GRIK2: variants seen among roughly 807,000 people sequenced by gnomAD.
GRIK2 encodes the protein glutamate receptor ionotropic, kainate 2.
GRIK2 carries 32 observed loss-of-function variants against 100.3 expected under a neutral mutation model. The observed-to-expected ratio is 0.32, with a 90% CI of 0.24 to 0.43. The LOEUF is 0.43. GRIK2 is among the 20% of genes least tolerant of loss of function. The pLI, the probability that GRIK2 is intolerant of heterozygous loss-of-function variation, is 1.00. For synonymous variants in GRIK2, 417 were observed against 389.4 expected (o/e 1.07, Z -0.83); for missense variants, 843 against 1,114.9 (o/e 0.76, Z 3.47).
At chr6:101,408,438 A>G (rs1775704097) in intron 2 of GRIK2, among the ~76,000 whole-genome samples, 1 of 152,038 alleles carries the variant, frequency 6.6e-6, no homozygotes, top group African/African-American at 2.4e-5. Context: ...ATTGGCTTAC[A>G]TGATTATGGT....
At chr6:102,043,486 CAT>C (rs1362470598) in intron 15 of GRIK2, among the ~76,000 whole-genome samples, 2 of 151,878 alleles carry the variant, frequency 1.3e-5, no homozygotes, top group South Asian at 2.1e-4. Context: ...TTAGATCCCA[CAT>C]GTCAGTGAGA....
In GRIK2 at chr6:101,724,596, G is replaced by A. The variant is rs1583026504; in HGVS notation, c.951+38243G>A. 2.0e-5 allele frequency among the ~76,000 whole-genome samples: 3 copies of A among 151,930 alleles called. No individual in the cohort carries two copies. The East Asian group carries it at 5.8e-4, about 29-fold the overall frequency. On this transcript the variant is annotated intron_variant, in intron 7 of 16. Transcript: ENST00000369134. ...CATTTTGTTTACTCCATCCACTATT[G>A]ATAGACACCTATGTACAGTCTTTAT...
At chr6:101,825,945 A>G (rs2764225) in intron 10 of GRIK2, among the ~76,000 whole-genome samples, 16,645 of 152,066 alleles carry the variant, frequency 0.11, 1,928 homozygotes, top group East Asian at 0.65. Context: ...CTGGACATAT[A>G]TCCACTTAGA....
intron 2 of GRIK2, among the ~76,000 whole-genome samples, chr6:101,603,684 T>A (rs1002553699): frequency 1.3e-5 from 2 of 151,772 alleles, no homozygotes; most frequent in Non-Finnish European, 2.9e-5. Context: ...TCCATGAATT[T>A]ATAATGAATT....
intron 2 of GRIK2, among the ~76,000 whole-genome samples, chr6:101,584,283 T>C (rs971932282): frequency 2.6e-5 from 4 of 152,100 alleles, no homozygotes; most frequent in African/African-American, 9.7e-5. Context: ...GTTGTGCCCA[T>C]CTACTCAAAC....
chr6:101,566,501 T>C (rs1214761606), intron 2 of GRIK2, among the ~76,000 whole-genome samples: 2 of 151,854 alleles, frequency 1.3e-5, no homozygotes, highest in African/African-American at 4.8e-5. Flanking sequence ...AAAAGAGTCT[T>C]GCCTTAAAAT....
intron 2 of GRIK2, among the ~76,000 whole-genome samples, chr6:101,472,133 G>A (rs942592723): frequency 4.6e-5 from 7 of 151,726 alleles, no homozygotes; most frequent in Non-Finnish European, 8.9e-5. Flanking sequence ...TCTAAAAAAC[G>A]TGTCATTACA....
At chr6:101,822,413 G>T (rs959771375) in intron 10 of GRIK2, among the ~76,000 whole-genome samples, 1 of 151,846 alleles carries the variant, frequency 6.6e-6, no homozygotes. Flanking sequence ...GGAGGAATTA[G>T]CAAGGTGAAG....
At chr6:101,495,681 T>G (rs1420508355) in intron 2 of GRIK2, among the ~76,000 whole-genome samples, 1 of 152,190 alleles carries the variant, frequency 6.6e-6, no homozygotes, top group Non-Finnish European at 1.5e-5. Context: ...ATAAATGTTA[T>G]AAATGTTTTT....
chr6:101,884,998 C>A (rs6921394), intron 11 of GRIK2, among the ~76,000 whole-genome samples: 1 of 152,024 alleles, frequency 6.6e-6, no homozygotes, highest in Non-Finnish European at 1.5e-5. Context: ...GGGAGGGAAA[C>A]TTTACCATTC....
chr6:101,765,159 A>G (rs1777966860), intron 7 of GRIK2, among the ~76,000 whole-genome samples: 1 of 152,046 alleles, frequency 6.6e-6, no homozygotes, highest in South Asian at 2.1e-4. Context: ...AGTTAATTTC[A>G]GTTAGTGTTT....
intron 12 of GRIK2, among the ~76,000 whole-genome samples, chr6:101,891,789 A>G (rs1396912076): frequency 3.3e-5 from 5 of 152,154 alleles, no homozygotes; most frequent in African/African-American, 7.2e-5. Flanking sequence ...TGAGAATTTG[A>G]AGTATGAAGT....
At chr6:101,527,336 G>A (rs1775204817) in intron 2 of GRIK2, among the ~76,000 whole-genome samples, 1 of 152,168 alleles carries the variant, frequency 6.6e-6, no homozygotes, top group Admixed American at 6.5e-5. Context: ...TTTCAGATTA[G>A]AGGCCCATAG....
At chr6:101,764,985 A>C (rs1777953980) in intron 7 of GRIK2, among the ~76,000 whole-genome samples, 1 of 151,988 alleles carries the variant, frequency 6.6e-6, no homozygotes, top group South Asian at 2.1e-4. Flanking sequence ...GCAAATCCAC[A>C]CCTTCACTGG....
intron 15 of GRIK2, among the ~76,000 whole-genome samples, chr6:102,041,250 A>G (rs1328769779): frequency 6.6e-6 from 1 of 151,690 alleles, no homozygotes; most frequent in Non-Finnish European, 1.5e-5. Flanking sequence ...CAAACAATGT[A>G]GAAATGGATA....
intron 2 of GRIK2, among the ~76,000 whole-genome samples, chr6:101,404,358 G>C (rs1451098467): frequency 6.6e-6 from 1 of 152,160 alleles, no homozygotes; most frequent in Non-Finnish European, 1.5e-5. Flanking sequence ...ATAAAGTGTT[G>C]TCTATGATAA....
intron 7 of GRIK2, among the ~76,000 whole-genome samples, chr6:101,778,775 A>C (rs1319175761): frequency 6.6e-6 from 1 of 152,262 alleles, no homozygotes; most frequent in Admixed American, 6.5e-5. Context: ...TTTTTCAAAG[A>C]AAAGCTATGT....
intron 2 of GRIK2, among the ~76,000 whole-genome samples, chr6:101,535,859 G>A (rs1183109254): frequency 6.6e-6 from 1 of 151,546 alleles, no homozygotes; most frequent in African/African-American, 2.4e-5. Context: ...TTGTGCAAAT[G>A]TTTTGGTCAC....
At chr6:102,035,193 GTATA>G (rs139440547) in intron 14 of GRIK2, 144 bp from the exon 15 acceptor site, 1,537 of 215,384 alleles carry the variant, frequency 7.1e-3, no homozygotes, top group Middle Eastern at 0.015. Context: ...GACTTTTTTG[GTATA>G]TATATATATA....
Sources: allele counts gnomAD v4.1 joint callset (sites outside exome capture counted in the v4.1 genomes callset), GRCh38; gene constraint gnomAD v4.1.1; transcripts MANE v1.5; gene names NCBI Gene and HGNC (gene_info 2026-07-23, HGNC 2026-07-21).